The following TNPO1 variants were observed in gnomAD, a reference collection of about 807,000 sequenced individuals.
TNPO1 encodes the protein transportin 1, also known as transportin-1.
TNPO1 carries 8 observed loss-of-function variants against 119.5 expected under a neutral mutation model. The observed-to-expected ratio is 0.07, with a 90% CI of 0.04 to 0.12. The LOEUF is 0.12. Ranked by LOEUF, TNPO1 falls within the 10% of genes least tolerant of loss-of-function variation. The pLI is 1.00. For missense variants in TNPO1, 576 were observed against 1,089.8 expected (o/e 0.53, Z 6.64); for synonymous variants, 362 against 363.0 (o/e 1.00, Z 0.03).
chr5:72,871,618 G>C (rs1366532591), intron 6 of TNPO1: 1 of 152,236 alleles, frequency 6.6e-6, no homozygotes, highest in African/African-American at 2.4e-5. Flanking sequence ...ATGGCTGTCT[G>C]TAAAGGAAAC....
Position 72,816,679 on chromosome 5 carries a change from G to A in TNPO1, c.-59G>A. Reference sequence around the variant, plus strand: ...TCTCTTTGTTCCGCAGCCATTTCAGGCCCCGGACAGGAGGCAGTGCCGCTT... The same window carrying A: ...TCTCTTTGTTCCGCAGCCATTTCAGACCCCGGACAGGAGGCAGTGCCGCTT... On this transcript the variant is annotated 5_prime_UTR_variant, in exon 1 of 25. Coordinates refer to ENST00000337273, the MANE Select transcript of TNPO1 (RefSeq NM_002270.4). 6.6e-7 allele frequency: 1 copy of A among 1,520,300 alleles called. No homozygotes were observed. 94.2% of individuals were successfully genotyped at this position (1,520,300 alleles called of 1,614,324 possible).
chr5:72,817,271 C>T (rs1470589186), intron 1 of TNPO1, among the ~76,000 whole-genome samples: 1 of 152,206 alleles, frequency 6.6e-6, no homozygotes, highest in African/African-American at 2.4e-5. Flanking sequence ...CGTTCTCTTC[C>T]TCCCGGCGGT....
At chr5:72,892,382 T>C (rs2112459078) in intron 15 of TNPO1, among the ~76,000 whole-genome samples, 1 of 152,264 alleles carries the variant, frequency 6.6e-6, no homozygotes, top group East Asian at 1.9e-4. Flanking sequence ...TGAATTGACA[T>C]TGATAGAACC....
At chr5:72,863,915 T>A (rs754511949) in intron 5 of TNPO1, among the ~76,000 whole-genome samples, 1 of 152,116 alleles carries the variant, frequency 6.6e-6, no homozygotes, top group East Asian at 1.9e-4. Context: ...AATAAAAAAT[T>A]TAAGCTGCAG....
At chr5:72,901,798 A>G (rs538985722) in intron 22 of TNPO1, among the ~76,000 whole-genome samples, 2 of 152,318 alleles carry the variant, frequency 1.3e-5, no homozygotes, top group South Asian at 2.1e-4. Context: ...TCCTGTAGAC[A>G]AGAGACCCAA....
chr5:72,868,158 C>A (rs1054259500), intron 6 of TNPO1, among the ~76,000 whole-genome samples: 3 of 152,008 alleles, frequency 2.0e-5, no homozygotes, highest in African/African-American at 7.2e-5. Flanking sequence ...TATGGCCGGG[C>A]GCGGTGGCTC....
In TNPO1 at chr5:72,910,787, CTATGTGTG is replaced by C; in HGVS notation, c.*2116_*2123del. On this transcript the variant is annotated 3_prime_UTR_variant, in exon 25 of 25. Coordinates refer to ENST00000337273, the MANE Select transcript of TNPO1 (RefSeq NM_002270.4). ...GTAGCATGTAGAAAGGTTTTTGTTACTATGTGTGTGTGTGTGTTTTGTTTTGTTTTGTT... is the reference window on the plus strand; with the variant it reads ...GTAGCATGTAGAAAGGTTTTTGTTACTGTGTGTGTTTTGTTTTGTTTTGTT... 1 of 151,946 alleles carries C rather than the reference CTATGTGTG, an allele frequency of 6.6e-6. No individual in the cohort carries two copies. Among genetic ancestry groups the C allele is most frequent in the Non-Finnish European group, 1.5e-5 (1 of 67,864 alleles). 9.4% of individuals were successfully genotyped at this position (151,946 alleles called of 1,614,324 possible). A position where few individuals can be genotyped will look rare whatever the true frequency, so the allele number is the denominator to read the frequency against.
At chr5:72,819,390 G>T (rs561519809) in intron 1 of TNPO1, among the ~76,000 whole-genome samples, 75 of 152,312 alleles carry the variant, frequency 4.9e-4, no homozygotes, top group Non-Finnish European at 1.2e-4. Context: ...GTTAGGAGAG[G>T]TTTTCAAAAG....
chr5:72,822,908 C>CT (rs56331096), intron 1 of TNPO1, among the ~76,000 whole-genome samples: 1,030 of 76,046 alleles, frequency 0.014, 3 homozygotes, highest in South Asian at 0.029. Flanking sequence ...TGGGTCTACA[C>CT]TTTTTTTTTT....
rs542242839 is a variant in TNPO1 at position 72,848,855 on chromosome 5, C to G, written c.129+357C>G. On this transcript the variant is annotated intron_variant, in intron 2 of 24. Coordinates refer to ENST00000337273, the MANE Select transcript of TNPO1 (RefSeq NM_002270.4). Reference sequence around the variant, plus strand: ...GCTGACCTGCCGCGGGGGTAGGGAGCGGGCGGGCGGGAGCGGCCCGGGCCC... The same window carrying G: ...GCTGACCTGCCGCGGGGGTAGGGAGGGGGCGGGCGGGAGCGGCCCGGGCCC... 3.8e-3 allele frequency among the ~76,000 whole-genome samples: 571 copies of G among 150,892 alleles called. 3 individuals are homozygous for G. Among genetic ancestry groups the G allele is most frequent in the African/African-American group, 0.013 (554 of 41,372 alleles).
intron 1 of TNPO1, among the ~76,000 whole-genome samples, chr5:72,835,553 A>G (rs1744661516): frequency 1.3e-5 from 2 of 152,162 alleles, no homozygotes; most frequent in South Asian, 2.1e-4. Context: ...CCCTTAAGCC[A>G]TTTGATAAGG....
chr5:72,861,678 A>G, intron 4 of TNPO1, 130 bp from the exon 5 acceptor site: 2 of 639,610 alleles, frequency 3.1e-6, no homozygotes, highest in Non-Finnish European at 5.5e-6. Flanking sequence ...TGCTGGGATT[A>G]CAGCATGAGC....
chr5:72,850,813 A>T (rs767224255), intron 2 of TNPO1, among the ~76,000 whole-genome samples: 46 of 152,080 alleles, frequency 3.0e-4, no homozygotes, highest in Admixed American at 9.2e-4. Flanking sequence ...TCTTTTTTTT[A>T]AAAGTTATTC....
rs765865443 is a variant in TNPO1 at position 72,889,913 on chromosome 5, A to G, written c.1657A>G (p.Ile553Val). The G allele has an allele frequency of 1.3e-5, 21 of 1,613,738 alleles. No homozygotes were observed. Among genetic ancestry groups the G allele is most frequent in the Non-Finnish European group, 1.7e-5 (20 of 1,179,922 alleles). ...GAACCTGCTCATTCTTTACGATGCC[A>G]TAGGAACATTAGCAGATTCAGTAGG... Reference protein sequence around the residue: ...HKNLLILYDAIGTLADSVGHH... With the variant: ...HKNLLILYDAVGTLADSVGHH... Residue 553 changes from isoleucine (I) to valine (V), a missense_variant, in exon 14 of 25, where the codon ATA becomes GTA. Physicochemically the swap from Ile to Val is conservative, Grantham distance 29 (BLOSUM62 3). Coordinates refer to ENST00000337273, the MANE Select transcript of TNPO1 (RefSeq NM_002270.4).
chr5:72,841,572 C>A (rs888829850), intron 1 of TNPO1, among the ~76,000 whole-genome samples: 2 of 151,994 alleles, frequency 1.3e-5, no homozygotes, highest in African/African-American at 4.8e-5. Flanking sequence ...AACTCATGAC[C>A]TTGTGATCCG....
chr5:72,851,736 C>T (rs566767180), intron 3 of TNPO1, among the ~76,000 whole-genome samples: 5 of 152,186 alleles, frequency 3.3e-5, no homozygotes, highest in African/African-American at 4.8e-5. Context: ...TCTGGGGATT[C>T]GCCTGCCGCA....
chr5:72,827,071 C>T (rs1184722304), intron 1 of TNPO1, among the ~76,000 whole-genome samples: 2 of 151,798 alleles, frequency 1.3e-5, no homozygotes, highest in Admixed American at 6.6e-5. Flanking sequence ...TCTTAAATGT[C>T]GTATTTGGCC....
At chr5:72,816,844 G>A in intron 1 of TNPO1, 92 bp downstream of exon 1, 1 of 1,422,906 alleles carries the variant, frequency 7.0e-7, no homozygotes, top group Non-Finnish European at 9.4e-7. Flanking sequence ...CGGGAGAGAC[G>A]CCGGGCTCGC....
intron 2 of TNPO1, 177 bp from the exon 3 acceptor site, chr5:72,851,067 C>G (rs1331455952): frequency 1.8e-6 from 1 of 554,108 alleles, no homozygotes; most frequent in African/African-American, 1.9e-5. Context: ...TTAGCAAGCA[C>G]TAGCGTGTTT....
Sources: allele counts gnomAD v4.1 joint callset (sites outside exome capture counted in the v4.1 genomes callset), GRCh38; gene constraint gnomAD v4.1.1; transcripts MANE v1.5; gene names NCBI Gene and HGNC (gene_info 2026-07-23, HGNC 2026-07-21).